The following RBFOX2 variants were observed in gnomAD, a reference collection of about 807,000 sequenced individuals.
RBFOX2 encodes the protein RNA binding fox-1 homolog 2, also known as RNA binding protein fox-1 homolog 2.
RBFOX2 carries 10 observed loss-of-function variants against 49.1 expected under a neutral mutation model. That is an observed-to-expected ratio of 0.20 (90% CI 0.13 to 0.35). The LOEUF is 0.35. RBFOX2 is among the 10% of genes least tolerant of loss of function. RBFOX2 has a pLI of 1.00. For synonymous variants in RBFOX2, 183 were observed against 187.4 expected (o/e 0.98, Z 0.19); for missense variants, 323 against 486.9 (o/e 0.66, Z 3.17).
Position 35,840,070 on chromosome 22 carries a change from A to G in RBFOX2, c.27+122T>C, listed in dbSNP as rs909820160. The G allele has an allele frequency of 3.8e-6, 5 of 1,328,816 alleles. No homozygotes were observed. The Admixed American group carries it at 8.8e-5, about 23-fold the overall frequency. The allele number at this position is 1,328,816 out of a possible 1,614,324, so 82.3% of individuals were successfully genotyped here. A position where few individuals can be genotyped will look rare whatever the true frequency, so the allele number is the denominator to read the frequency against. ...ACAGACTTTTCAGCTGATAACAATA[A>G]ATCTGGTCTGTTCTAAGAAGACAAT... On this transcript the variant is annotated intron_variant, in intron 1 of 11. Transcript: ENST00000405409.
intron 1 of RBFOX2, among the ~76,000 whole-genome samples, chr22:35,978,083 G>A (rs892015604): frequency 1.3e-5 from 2 of 152,044 alleles, no homozygotes; most frequent in Non-Finnish European, 2.9e-5. Flanking sequence ...CAGAGGTGGT[G>A]GAGTCAGCCA....
At chr22:35,970,657 C>A (rs1371865753) in intron 1 of RBFOX2, among the ~76,000 whole-genome samples, 2 of 151,924 alleles carry the variant, frequency 1.3e-5, no homozygotes, top group Non-Finnish European at 1.5e-5. Flanking sequence ...CAGAGTGAGA[C>A]CCTATCTAAA....
At chr22:35,744,174 G>T in exon 12 of RBFOX2, 2 of 1,601,310 alleles carry the variant, frequency 1.2e-6, no homozygotes, top group Non-Finnish European at 1.7e-6. Context: ...GAACTGGGGG[G>T]CTGTCCCATT....
At chr22:35,922,170 A>T (rs1442890966) in intron 1 of RBFOX2, among the ~76,000 whole-genome samples, 1 of 152,246 alleles carries the variant, frequency 6.6e-6, no homozygotes, top group Non-Finnish European at 1.5e-5. Context: ...GCATAATGAT[A>T]TGTGAAATTT....
At chr22:35,927,391 G>C (rs1033533399) in intron 1 of RBFOX2, among the ~76,000 whole-genome samples, 3 of 152,134 alleles carry the variant, frequency 2.0e-5, no homozygotes, top group African/African-American at 7.2e-5. Flanking sequence ...GATCACCTGA[G>C]GTTGGGAGTT....
upstream of RBFOX2, among the ~76,000 whole-genome samples, chr22:35,841,396 C>A (rs1355105567): frequency 6.6e-6 from 1 of 152,200 alleles, no homozygotes; most frequent in Middle Eastern, 3.4e-3. Context: ...TTAAAAAATG[C>A]ATCAAAGATG....
intron 1 of RBFOX2, among the ~76,000 whole-genome samples, chr22:35,969,277 A>G (rs1161160722): frequency 6.6e-6 from 1 of 152,186 alleles, no homozygotes; most frequent in Non-Finnish European, 1.5e-5. Context: ...ATTAAAAAAA[A>G]AAGCAGCTTT....
chr22:35,855,453 T>C (rs1603415703), intron 1 of RBFOX2, among the ~76,000 whole-genome samples: 2 of 152,064 alleles, frequency 1.3e-5, no homozygotes, highest in South Asian at 4.1e-4. Context: ...GTCACCCAGG[T>C]TGGAGTGCTA....
At chr22:35,798,163 C>G (rs572560117) in intron 2 of RBFOX2, among the ~76,000 whole-genome samples, 1 of 152,150 alleles carries the variant, frequency 6.6e-6, no homozygotes, top group Non-Finnish European at 1.5e-5. Context: ...TTAGTAGAGG[C>G]AGGGTTTCAC....
chr22:35,777,714 C>T (rs371054626), intron 4 of RBFOX2: 26 of 299,294 alleles, frequency 8.7e-5, no homozygotes, highest in African/African-American at 2.8e-4. Context: ...TTCCTTTAAA[C>T]GGAGAAAGCT....
chr22:36,015,458 C>G (rs2058997664), intron 1 of RBFOX2, among the ~76,000 whole-genome samples: 1 of 152,248 alleles, frequency 6.6e-6, no homozygotes, highest in Admixed American at 6.5e-5. Context: ...TTCAAACCCA[C>G]TGTGCCAGCC....
At chr22:35,747,758 AG>A (rs1330891022) in intron 9 of RBFOX2, 2 of 152,244 alleles carry the variant, frequency 1.3e-5, no homozygotes. Context: ...ACATCATTTC[AG>A]TAGTGAACAA....
chr22:35,882,118 T>G (rs892895167), intron 1 of RBFOX2, among the ~76,000 whole-genome samples: 2 of 151,742 alleles, frequency 1.3e-5, no homozygotes, highest in Non-Finnish European at 2.9e-5. Context: ...TGAAAGAGAA[T>G]CAAAAAAAGA....
intron 1 of RBFOX2, among the ~76,000 whole-genome samples, chr22:36,023,933 C>T (rs1438342502): frequency 6.6e-6 from 1 of 152,158 alleles, no homozygotes; most frequent in Non-Finnish European, 1.5e-5. Context: ...TTCCTAAACT[C>T]CATTTTGGTA....
At chr22:35,845,092 C>T (rs1365521405), upstream of RBFOX2, among the ~76,000 whole-genome samples, 1 of 152,060 alleles carries the variant, frequency 6.6e-6, no homozygotes, top group African/African-American at 2.4e-5. Context: ...CTGCCTCTGA[C>T]ACCCAAGTGA....
At chr22:35,835,798 T>G (rs1957552266) in intron 1 of RBFOX2, among the ~76,000 whole-genome samples, 1 of 152,214 alleles carries the variant, frequency 6.6e-6, no homozygotes, top group South Asian at 2.1e-4. Context: ...GAAATTCTGT[T>G]TATCTTTTCA....
rs1250822080 is a variant in RBFOX2 at position 35,856,081 on chromosome 22, G to C, written c.-33-46077C>G. ...GTTGAACAGAAATTTAATGATATCA[G>C]GGAGAAACAGACCTAGACTTAGAAA... is the stretch of plus-strand genomic sequence containing the variant. On this transcript the variant is annotated intron_variant, in intron 1 of 13. Coordinates refer to the RBFOX2 transcript ENST00000359369. Among the ~76,000 whole-genome samples the C allele has an allele frequency of 2.0e-5, 3 of 152,076 alleles. No individual in the cohort carries two copies. In the East Asian group the frequency reaches 5.8e-4, roughly 29 times the overall value.
intron 1 of RBFOX2, among the ~76,000 whole-genome samples, chr22:36,008,143 T>C (rs2058686276): frequency 6.6e-6 from 1 of 152,174 alleles, no homozygotes; most frequent in South Asian, 2.1e-4. Flanking sequence ...CACAGCAATA[T>C]GAGTTCCTAT....
At chr22:36,014,116 T>C (rs1025358344) in intron 1 of RBFOX2, among the ~76,000 whole-genome samples, 12 of 151,566 alleles carry the variant, frequency 7.9e-5, no homozygotes, top group Non-Finnish European at 1.8e-4. Flanking sequence ...ATACCTATTA[T>C]CATTTCTTTT....
Sources: gnomAD v4.1 joint callset for allele counts (sites outside exome capture counted in the v4.1 genomes callset) on GRCh38, gnomAD v4.1.1 for gene constraint, MANE v1.5 for transcripts, NCBI Gene and HGNC (gene_info 2026-07-23, HGNC 2026-07-21) for gene names.